The following TSC22D1 variants were observed in gnomAD, a reference collection of about 807,000 sequenced individuals.
TSC22D1 encodes the protein TSC22 domain family member 1.
In TSC22D1, 9 loss-of-function variants were observed where a neutral mutation model predicts 74.2. The observed-to-expected ratio is 0.12, with a 90% CI of 0.07 to 0.21. The LOEUF (loss-of-function observed/expected upper bound fraction) is 0.21. Among genes scored for constraint, TSC22D1 ranks in the 10% least tolerant of loss-of-function variants. The pLI, the probability that TSC22D1 is intolerant of heterozygous loss-of-function variation, is 1.00. For synonymous variants in TSC22D1, 586 were observed against 492.5 expected (o/e 1.19, Z -2.51); for missense variants, 1,427 against 1,304.7 (o/e 1.09, Z -1.44).
At chr13:44,534,655 T>C (rs1238852256) in intron 1 of TSC22D1, among the ~76,000 whole-genome samples, 1 of 152,194 alleles carries the variant, frequency 6.6e-6, no homozygotes, top group African/African-American at 2.4e-5. Flanking sequence ...TTATTTTATA[T>C]ACCAGGCAAC....
At chr13:44,514,879 T>C (rs1484933425) in intron 1 of TSC22D1, among the ~76,000 whole-genome samples, 2 of 151,758 alleles carry the variant, frequency 1.3e-5, no homozygotes, top group African/African-American at 4.8e-5. Flanking sequence ...AATAAATAAA[T>C]AAAAGAAGTT....
chr13:44,568,445 T>G (rs1208050282), intron 1 of TSC22D1, among the ~76,000 whole-genome samples: 1 of 152,170 alleles, frequency 6.6e-6, no homozygotes, highest in Non-Finnish European at 1.5e-5. Context: ...TCCAGCCAGA[T>G]TACTCTGCGG....
chr13:44,436,323 G>T (rs1874621856), intron 1 of TSC22D1: 4 of 954,166 alleles, frequency 4.2e-6, no homozygotes, highest in Non-Finnish European at 4.7e-6. Flanking sequence ...CATAATGTGG[G>T]GAAAGCCTGT....
At chr13:44,446,155 A>G (rs1282565043) in intron 1 of TSC22D1, among the ~76,000 whole-genome samples, 1 of 152,256 alleles carries the variant, frequency 6.6e-6, no homozygotes, top group East Asian at 1.9e-4. Context: ...TGGTACATCT[A>G]GACAATGCAA....
chr13:44,539,149 A>C (rs1313068291), intron 1 of TSC22D1: 1 of 985,216 alleles, frequency 1.0e-6, no homozygotes, highest in East Asian at 1.1e-4. Context: ...CTAGAAAATG[A>C]CTTTTGAGTA....
chr13:44,522,385 T>G (rs1330780781), intron 1 of TSC22D1, among the ~76,000 whole-genome samples: 4 of 152,212 alleles, frequency 2.6e-5, no homozygotes. Flanking sequence ...GGCATTTTAT[T>G]TATGCCTTTA....
rs556898836 is a variant in TSC22D1, at chr13:44,477,100, C to G, written c.2913-41005G>C. 9.2e-5 allele frequency among the ~76,000 whole-genome samples: 14 copies of G among 152,224 alleles called. No individual in the cohort carries two copies. The East Asian group carries it at 2.1e-3, about 23-fold the overall frequency. ...GGTTCAAATGATTTTCGTGCCTCAG[C>G]CTGCCAAGTAGCTGGCTAATTTTTG... On this transcript the variant is annotated intron_variant, in intron 1 of 2. Coordinates refer to ENST00000458659, the MANE Select transcript of TSC22D1 (RefSeq NM_183422.4).
intron 1 of TSC22D1, among the ~76,000 whole-genome samples, chr13:44,520,071 T>C (rs912969510): frequency 6.6e-6 from 1 of 152,156 alleles, no homozygotes; most frequent in African/African-American, 2.4e-5. Context: ...AGAAGTCAAA[T>C]AGGTAGATCT....
At chr13:44,547,304 A>G (rs759216216) in intron 1 of TSC22D1, among the ~76,000 whole-genome samples, 2 of 152,170 alleles carry the variant, frequency 1.3e-5, no homozygotes, top group African/African-American at 2.4e-5. Context: ...CTAATATCAG[A>G]AAAGTAACCA....
chr13:44,439,185 TG>T, intron 1 of TSC22D1, among the ~76,000 whole-genome samples: 1 of 152,252 alleles, frequency 6.6e-6, no homozygotes, highest in Non-Finnish European at 1.5e-5. Flanking sequence ...TTACAGTTAT[TG>T]TTAATACTTG....
intron 1 of TSC22D1, among the ~76,000 whole-genome samples, chr13:44,571,974 T>C (rs559744779): frequency 9.2e-5 from 14 of 152,298 alleles, no homozygotes; most frequent in Non-Finnish European, 1.8e-4. Context: ...TGCAATATGC[T>C]CAATTTTTCC....
In TSC22D1 at chr13:44,434,238, T is replaced by C; in HGVS notation, c.*388A>G. The C allele has an allele frequency of 7.1e-7, 1 of 1,416,332 alleles. No individual in the cohort carries two copies. Among genetic ancestry groups the C allele is most frequent in the Non-Finnish European group, 9.1e-7 (1 of 1,098,816 alleles). The allele number at this position is 1,416,332 out of a possible 1,614,324, so 87.7% of individuals were successfully genotyped here. A position where few individuals can be genotyped will look rare whatever the true frequency, so the allele number is the denominator to read the frequency against. ...GAGGCGAGTCCAGTGAGGAGCTCCA[T>C]CGCTTCACAACCCCATGTAGGACAC... is the stretch of plus-strand genomic sequence containing the variant. On this transcript the variant is annotated 3_prime_UTR_variant, in exon 3 of 3. Transcript: ENST00000458659.
At chr13:44,512,490 A>G (rs962055520) in intron 1 of TSC22D1, among the ~76,000 whole-genome samples, 9 of 151,746 alleles carry the variant, frequency 5.9e-5, no homozygotes, top group Non-Finnish European at 1.2e-4. Flanking sequence ...TTTCAAACTC[A>G]ACATGCCTTA....
At chr13:44,559,114 C>G (rs1882870939) in intron 1 of TSC22D1, among the ~76,000 whole-genome samples, 2 of 152,022 alleles carry the variant, frequency 1.3e-5, no homozygotes, top group Non-Finnish European at 2.9e-5. Flanking sequence ...TAAAATGAAC[C>G]ATCAACCAAA....
At chr13:44,490,388 G>T in intron 1 of TSC22D1, among the ~76,000 whole-genome samples, 1 of 150,464 alleles carries the variant, frequency 6.6e-6, no homozygotes. Flanking sequence ...GTAGATGGAG[G>T]TTACATACCC....
At chr13:44,447,386 G>A (rs1190248096) in intron 1 of TSC22D1, among the ~76,000 whole-genome samples, 1 of 152,014 alleles carries the variant, frequency 6.6e-6, no homozygotes, top group Non-Finnish European at 1.5e-5. Flanking sequence ...ATTCATTGAG[G>A]AGACCTAAAA....
chr13:44,570,566 T>TTATA (rs1026745182), intron 1 of TSC22D1, among the ~76,000 whole-genome samples: 31 of 152,256 alleles, frequency 2.0e-4, no homozygotes, highest in African/African-American at 7.0e-4. Flanking sequence ...TGATCCATGT[T>TTATA]TATAGTCTCT....
At chr13:44,567,669 G>A (rs1883470278) in intron 1 of TSC22D1, among the ~76,000 whole-genome samples, 1 of 151,812 alleles carries the variant, frequency 6.6e-6, no homozygotes, top group African/African-American at 2.4e-5. Flanking sequence ...AGAGCAAAAA[G>A]AAAAACAGAT....
chr13:44,532,382 G>C (rs1481224568), intron 1 of TSC22D1, among the ~76,000 whole-genome samples: 1 of 152,188 alleles, frequency 6.6e-6, no homozygotes, highest in Non-Finnish European at 1.5e-5. Flanking sequence ...GTAACATAAG[G>C]TCACGTGTTA....
Sources: gnomAD v4.1 joint callset for allele counts (sites outside exome capture counted in the v4.1 genomes callset) on GRCh38, gnomAD v4.1.1 for gene constraint, MANE v1.5 for transcripts, NCBI Gene and HGNC (gene_info 2026-07-23, HGNC 2026-07-21) for gene names.